GLG1: variants seen among roughly 807,000 people sequenced by gnomAD.
The protein encoded by GLG1 is Golgi apparatus protein 1.
A neutral mutation model predicts 160.5 loss-of-function variants in GLG1; 38 were observed. That is an observed-to-expected ratio of 0.24 (90% CI 0.18 to 0.31). The LOEUF (loss-of-function observed/expected upper bound fraction) is 0.31. GLG1 is among the 10% of genes least tolerant of loss of function. The pLI is 1.00. For synonymous variants in GLG1, 644 were observed against 543.4 expected (o/e 1.19, Z -2.57); for missense variants, 1,373 against 1,505.2 (o/e 0.91, Z 1.45).
rs566264641 is a variant in GLG1, at chr16:74,556,711, A to C, written c.439-24558T>G. Among the ~76,000 whole-genome samples the C allele has an allele frequency of 2.0e-5, 3 of 149,172 alleles. No homozygotes were observed. The South Asian group carries it at 6.3e-4, about 31-fold the overall frequency. On this transcript the variant is annotated intron_variant, in intron 1 of 25. Coordinates refer to ENST00000422840, the MANE Select transcript of GLG1 (RefSeq NM_001145667.2). ...TTTTTTTATTATTTTATATATACATAATTTTGAGACAAGGTCTTGCTCTGT... is the reference window on the plus strand; with the variant it reads ...TTTTTTTATTATTTTATATATACATCATTTTGAGACAAGGTCTTGCTCTGT...
At chr16:74,585,081 C>T (rs1030864542) in intron 1 of GLG1, among the ~76,000 whole-genome samples, 2 of 151,978 alleles carry the variant, frequency 1.3e-5, no homozygotes, top group Non-Finnish European at 2.9e-5. Context: ...TTTTTAAAAC[C>T]CTATCTTTAA....
chr16:74,484,534 G>T (rs999779039), intron 9 of GLG1, among the ~76,000 whole-genome samples: 2 of 151,918 alleles, frequency 1.3e-5, no homozygotes, highest in Non-Finnish European at 2.9e-5. Context: ...AGGCCGAGGC[G>T]GGTGGGTCAT....
At chr16:74,581,223 C>T (rs1294593015) in intron 1 of GLG1, among the ~76,000 whole-genome samples, 2 of 151,978 alleles carry the variant, frequency 1.3e-5, no homozygotes, top group African/African-American at 2.4e-5. Flanking sequence ...TCACAAAAGC[C>T]AAAAGGTAGA....
At chr16:74,455,897 T>C (rs970325832) in intron 25 of GLG1, among the ~76,000 whole-genome samples, 4 of 152,212 alleles carry the variant, frequency 2.6e-5, no homozygotes, top group Admixed American at 2.6e-4. Context: ...CAAAGCGTTA[T>C]GTAAACTACA....
At chr16:74,462,675 T>C (rs998047221) in intron 20 of GLG1, 45 bp from the exon 21 acceptor site, 6 of 1,593,400 alleles carry the variant, frequency 3.8e-6, no homozygotes, top group Admixed American at 1.7e-5. Context: ...TTCCACCTGA[T>C]TCACACATTT....
chr16:74,514,971 A>G (rs1186302156), intron 2 of GLG1, among the ~76,000 whole-genome samples: 1 of 149,504 alleles, frequency 6.7e-6, no homozygotes, highest in Non-Finnish European at 1.5e-5. Flanking sequence ...AAAGCAAAAG[A>G]AAAAAAAAAG....
At chr16:74,599,974 C>T (rs1252598110) in intron 1 of GLG1, among the ~76,000 whole-genome samples, 2 of 152,066 alleles carry the variant, frequency 1.3e-5, no homozygotes, top group African/African-American at 4.8e-5. Flanking sequence ...ACAAAGGTTG[C>T]AGTGAGGTGA....
In GLG1 at chr16:74,546,476, CTTTGA is replaced by C. The variant is rs904259158; in HGVS notation, c.439-14328_439-14324del. Among the ~76,000 whole-genome samples, 11 of 152,144 alleles carry C rather than the reference CTTTGA, an allele frequency of 7.2e-5. No homozygotes were observed. In the East Asian group the frequency reaches 1.7e-3, roughly 24 times the overall value. On this transcript the variant is annotated intron_variant, in intron 1 of 25. Transcript: ENST00000422840. ...TTAATTAATTAAATAAAATACAAGG[CTTTGA>C]TTTAAGACTTCTGAAACTTTAGTGT... is the stretch of plus-strand genomic sequence containing the variant.
At chr16:74,518,945 G>C (rs1407710852) in intron 2 of GLG1, among the ~76,000 whole-genome samples, 1 of 152,118 alleles carries the variant, frequency 6.6e-6, no homozygotes, top group Non-Finnish European at 1.5e-5. Context: ...CAAGGATCTA[G>C]AACTAGAAAT....
intron 9 of GLG1, among the ~76,000 whole-genome samples, chr16:74,484,075 T>C (rs2015702965): frequency 6.6e-6 from 1 of 152,082 alleles, no homozygotes; most frequent in Admixed American, 6.6e-5. Context: ...CCTTCTTCCC[T>C]CTCCCCTGCC....
intron 1 of GLG1, among the ~76,000 whole-genome samples, chr16:74,533,315 C>G (rs3865164): frequency 1.3e-5 from 2 of 152,108 alleles, no homozygotes; most frequent in Admixed American, 1.3e-4. Context: ...AGCGAGACTC[C>G]GTCTCAAAAA....
intron 1 of GLG1, among the ~76,000 whole-genome samples, chr16:74,533,507 G>A (rs1015460493): frequency 3.3e-5 from 5 of 151,826 alleles, no homozygotes; most frequent in Admixed American, 6.6e-5. Flanking sequence ...CTGGGTGAGT[G>A]CAGTGGCTCA....
At chr16:74,457,846 A>G (rs1388450809) in intron 24 of GLG1, 28 bp downstream of exon 24, 15 of 1,609,168 alleles carry the variant, frequency 9.3e-6, no homozygotes, top group Non-Finnish European at 1.1e-5. Flanking sequence ...GAGTTCAGAC[A>G]GGATCAAGAG....
At chr16:74,472,732 G>C in intron 13 of GLG1, 1 of 446,522 alleles carries the variant, frequency 2.2e-6, no homozygotes, top group Non-Finnish European at 4.3e-6. Context: ...TTCCCAAAAT[G>C]CTAAGTAGTT....
chr16:74,541,850 C>T (rs921309346), intron 1 of GLG1, among the ~76,000 whole-genome samples: 1 of 151,404 alleles, frequency 6.6e-6, no homozygotes, highest in African/African-American at 2.4e-5. Context: ...ACTCTTTGCA[C>T]TTTAAAATTT....
At position 74,448,856 on chromosome 16, in the gene GLG1, A is replaced by G. The variant is rs886453109; in HGVS notation, c.*4311T>C. On this transcript the variant is annotated 3_prime_UTR_variant, in exon 26 of 26. Transcript: ENST00000422840. Reference sequence around the variant, plus strand: ...GGCCGAAGTGGGCCACTTTGCGGCCACTTTGGAAGGCCGAAGTGGGCACAT... The same window carrying G: ...GGCCGAAGTGGGCCACTTTGCGGCCGCTTTGGAAGGCCGAAGTGGGCACAT... 3 of 151,396 alleles carry G rather than the reference A, an allele frequency of 2.0e-5. No individual in the cohort carries two copies. The highest frequency in any genetic ancestry group is 7.3e-5 in the African/African-American group (3 of 41,194). 9.4% of individuals were successfully genotyped at this position (151,396 alleles called of 1,614,324 possible). A position where few individuals can be genotyped will look rare whatever the true frequency, so the allele number is the denominator to read the frequency against.
intron 1 of GLG1, among the ~76,000 whole-genome samples, chr16:74,534,140 C>G (rs2017620380): frequency 6.6e-6 from 1 of 152,020 alleles, no homozygotes; most frequent in African/African-American, 2.4e-5. Context: ...TTATATAACA[C>G]AGTACTTTTG....
At chr16:74,522,212 T>C (rs1324941409) in intron 2 of GLG1, among the ~76,000 whole-genome samples, 1 of 152,258 alleles carries the variant, frequency 6.6e-6, no homozygotes, top group African/African-American at 2.4e-5. Flanking sequence ...CTTTTACTCA[T>C]AGGGCTGTTG....
chr16:74,593,126 C>G (rs1958220939), intron 1 of GLG1, among the ~76,000 whole-genome samples: 2 of 152,150 alleles, frequency 1.3e-5, no homozygotes, highest in African/African-American at 2.4e-5. Flanking sequence ...CTTGGACTTC[C>G]CAACCTCCAG....
Sources: allele counts gnomAD v4.1 joint callset (sites outside exome capture counted in the v4.1 genomes callset), GRCh38; gene constraint gnomAD v4.1.1; transcripts MANE v1.5; gene names NCBI Gene and HGNC (gene_info 2026-07-23, HGNC 2026-07-21).